Variants in STAT4 observed in about 807,000 individuals in gnomAD.
STAT4 encodes signal transducer and activator of transcription 4.
Under a neutral mutation model 110.5 loss-of-function variants are expected in STAT4, and 42 were observed. That is an observed-to-expected ratio of 0.38 (90% CI 0.30 to 0.49). The LOEUF (loss-of-function observed/expected upper bound fraction) is 0.49. Among genes scored for constraint, STAT4 ranks in the 20% least tolerant of loss-of-function variants. STAT4 has a pLI of 0.95. For missense variants in STAT4, 632 were observed against 887.9 expected, an observed-to-expected ratio of 0.71 and a Z score of 3.66; for synonymous variants, 284 against 302.2, an observed-to-expected ratio of 0.94 and a Z score of 0.63.
chr2:191,034,188 C>T (rs898076968), intron 18 of STAT4, among the ~76,000 whole-genome samples, 183 bp from the exon 19 acceptor site: 15 of 152,022 alleles, frequency 9.9e-5, no homozygotes, highest in African/African-American at 2.7e-4. Flanking sequence ...TTTGGGAGGC[C>T]AAGGCGGGCA....
intron 4 of STAT4, 189 bp downstream of exon 4, chr2:191,076,036 TGG>T: frequency 3.9e-6 from 2 of 515,146 alleles, no homozygotes; most frequent in East Asian, 3.1e-5. Flanking sequence ...TTTTTTTTTT[TGG>T]AGACAGGGTC....
At position 191,061,789 on chromosome 2, in the gene STAT4, G is replaced by A. The variant is rs1424401939; in HGVS notation, c.974C>T (p.Pro325Leu). 1 of 1,612,252 alleles carries A rather than the reference G, an allele frequency of 6.2e-7. No individual in the cohort carries two copies. The highest frequency in any genetic ancestry group is 1.1e-5 in the South Asian group (1 of 90,480). Residue 325 changes from proline (P) to leucine (L), a missense_variant, in exon 10 of 24, where the codon CCA (proline) becomes CTA (leucine). Pro to Leu is a moderately conservative substitution (Grantham distance 98, BLOSUM62 -3). Coordinates refer to ENST00000392320, the MANE Select transcript of STAT4 (RefSeq NM_003151.4). This position sits in a 1 kb window ranked among gnomAD's most constrained non-coding sequence, Gnocchi z 6.2. ...TACCAACGGCCTCTGAGGGTGGGTT[G>A]GCATACATGGCTGTCGCTCAACCAC... is the stretch of plus-strand genomic sequence containing the variant. ...SFVVERQPCM[P>L]THPQRPLVLK...
At chr2:191,124,283 C>T (rs189545144) in intron 3 of STAT4, among the ~76,000 whole-genome samples, 30 of 151,890 alleles carry the variant, frequency 2.0e-4, no homozygotes, top group African/African-American at 6.8e-4. Flanking sequence ...GGTGAAACCC[C>T]GTCTCTACTA....
intron 3 of STAT4, among the ~76,000 whole-genome samples, chr2:191,095,713 CA>C (rs1376938684): frequency 1.3e-5 from 2 of 152,028 alleles, no homozygotes; most frequent in East Asian, 3.9e-4. Flanking sequence ...ACTAGAGAAG[CA>C]AGAGCAAACA....
At chr2:191,048,224 A>G (rs1009505737) in intron 14 of STAT4, among the ~76,000 whole-genome samples, 10 of 152,196 alleles carry the variant, frequency 6.6e-5, no homozygotes, top group Non-Finnish European at 8.8e-5. Flanking sequence ...AGTGATTCAA[A>G]ATAATGTCTA....
In STAT4 at chr2:191,030,814, A is replaced by C. The variant is rs1383759710; in HGVS notation, c.2220+158T>G. ...AATACGCATAATATCAGCAACACGC[A>C]GGACCATCCAGACACCTTTTGTGTT... On this transcript the variant is annotated intron_variant, in intron 23 of 23. Transcript: ENST00000392320. The surrounding 1 kb of genome is among the most constrained non-coding windows in gnomAD (Gnocchi z 4.4). 1 of 631,526 alleles carries C rather than the reference A, an allele frequency of 1.6e-6. No homozygotes were observed. The highest frequency in any genetic ancestry group is 2.8e-5 in the Admixed American group (1 of 35,348). 39.1% of individuals were successfully genotyped at this position (631,526 alleles called of 1,614,324 possible). A position where few individuals can be genotyped will look rare whatever the true frequency, so the allele number is the denominator to read the frequency against.
chr2:191,058,937 A>G lies in STAT4; in HGVS notation c.1035-168T>C, dbSNP rs1696778162. ...TTTTAAAAATGTATAATGCCTCTTTAGTTTGCCATGTAACTAATGTTGACA... is the reference window on the plus strand; with the variant it reads ...TTTTAAAAATGTATAATGCCTCTTTGGTTTGCCATGTAACTAATGTTGACA... On this transcript the variant is annotated intron_variant, in intron 10 of 23. Transcript: ENST00000392320. This position sits in a 1 kb window ranked among gnomAD's most constrained non-coding sequence, Gnocchi z 4.3. 6.6e-6 allele frequency among the ~76,000 whole-genome samples: 1 copy of G among 152,236 alleles called. No individual in the cohort carries two copies. Among genetic ancestry groups the G allele is most frequent in the African/African-American group, 2.4e-5 (1 of 41,468 alleles).
intron 3 of STAT4, among the ~76,000 whole-genome samples, chr2:191,092,981 G>C (rs1697844769): frequency 1.3e-5 from 2 of 152,212 alleles, no homozygotes; most frequent in African/African-American, 4.8e-5. Context: ...CAAGGCAGCA[G>C]CATGGCAGGG....
chr2:191,130,516 T>C (rs11694530), intron 3 of STAT4, among the ~76,000 whole-genome samples: 91,257 of 151,480 alleles, frequency 0.6, 28,793 homozygotes, highest in South Asian at 0.78. Context: ...GCCACGGCGC[T>C]TGGCCTATCT....
chr2:191,125,501 T>TTATTATTATTATTATTAC (rs2125402568), intron 3 of STAT4, among the ~76,000 whole-genome samples: 1 of 149,522 alleles, frequency 6.7e-6, no homozygotes, highest in Non-Finnish European at 1.5e-5. Flanking sequence ...ATTATTATTA[T>TTATTATTATTATTATTAC]TATTGAGACA....
intron 13 of STAT4, among the ~76,000 whole-genome samples, chr2:191,057,387 C>A (rs879670790): frequency 5.9e-5 from 9 of 152,102 alleles, no homozygotes; most frequent in Non-Finnish European, 1.3e-4. Context: ...TTGTGTAACA[C>A]CTCTCCATTT....
At chr2:191,145,419 T>C (rs952311929) in intron 3 of STAT4, among the ~76,000 whole-genome samples, 1 of 152,230 alleles carries the variant, frequency 6.6e-6, no homozygotes, top group Non-Finnish European at 1.5e-5. Context: ...TTTTGACTTG[T>C]GGGCCATGGC....
rs556517330 is a variant in STAT4 at position 191,076,016 on chromosome 2, A to G, written c.372+211T>C. The G allele has an allele frequency of 3.8e-5, 19 of 497,630 alleles. No homozygotes were observed. In the South Asian group the frequency reaches 4.4e-4, roughly 12 times the overall value. The allele number at this position is 497,630 out of a possible 1,614,324, so 30.8% of individuals were successfully genotyped here. A position where few individuals can be genotyped will look rare whatever the true frequency, so the allele number is the denominator to read the frequency against. ...AGGCATGTGCCACCATAGCCAACTA[A>G]TTTTTAATTTTTTTTTTTTTGGAGA... On this transcript the variant is annotated intron_variant, in intron 4 of 23. Coordinates refer to ENST00000392320, the MANE Select transcript of STAT4 (RefSeq NM_003151.4).
intron 16 of STAT4, among the ~76,000 whole-genome samples, chr2:191,036,503 T>C (rs1457092677): frequency 6.6e-6 from 1 of 152,150 alleles, no homozygotes; most frequent in Admixed American, 6.5e-5. Context: ...CGTGTCCTAA[T>C]AGAAAACACC....
At chr2:191,070,610 T>C (rs1026634279) in intron 5 of STAT4, among the ~76,000 whole-genome samples, 6 of 152,218 alleles carry the variant, frequency 3.9e-5, no homozygotes, top group African/African-American at 1.4e-4. Context: ...TCAAACTTTC[T>C]ACTGCCTGCT....
chr2:191,040,791 A>C (rs1359789505), intron 15 of STAT4, among the ~76,000 whole-genome samples: 1 of 152,096 alleles, frequency 6.6e-6, no homozygotes, highest in South Asian at 2.1e-4. Context: ...CTCAAATTCC[A>C]GGGCTCAAGC....
chr2:191,064,273 G>T (rs1696925347), intron 8 of STAT4, among the ~76,000 whole-genome samples: 1 of 152,092 alleles, frequency 6.6e-6, no homozygotes. Flanking sequence ...ACTTTTCTGT[G>T]GTAAGAGCTA....
chr2:191,064,096 A>C (rs3024851), intron 8 of STAT4, among the ~76,000 whole-genome samples: 1 of 152,182 alleles, frequency 6.6e-6, no homozygotes, highest in South Asian at 2.1e-4. Context: ...GCATGTGTGC[A>C]TACATAGATC....
intron 13 of STAT4, among the ~76,000 whole-genome samples, chr2:191,055,365 A>ATTTTTTTT (rs371295889): frequency 1.0e-5 from 1 of 96,956 alleles, no homozygotes; most frequent in African/African-American, 4.1e-5. Context: ...AGCCTGGCTA[A>ATTTTTTTT]TTTTTTTTTT....
Sources: allele counts gnomAD v4.1 joint callset (sites outside exome capture counted in the v4.1 genomes callset), GRCh38; gene constraint gnomAD v4.1.1; non-coding constraint Gnocchi (gnomAD v3.1); transcripts MANE v1.5; gene names NCBI Gene and HGNC (gene_info 2026-07-23, HGNC 2026-07-21).